Variants in GSDMC observed in about 807,000 individuals in gnomAD.
GSDMC encodes the protein gasdermin C.
GSDMC carries 59 observed loss-of-function variants against 58.0 expected under a neutral mutation model. The observed-to-expected ratio is 1.02, with a 90% CI of 0.82 to 1.26. The LOEUF is 1.26. Ranked by LOEUF, GSDMC falls within the 50% of genes most tolerant of loss-of-function variation. The pLI is 0.00. For synonymous variants in GSDMC, 241 were observed against 220.2 expected, an observed-to-expected ratio of 1.09 and a Z score of -0.83; for missense variants, 659 against 598.5, an observed-to-expected ratio of 1.10 and a Z score of -1.06.
At chr8:129,748,160 C>T (rs1586568828), downstream of GSDMC, 1 of 170,688 alleles carries the variant, frequency 5.9e-6, no homozygotes, top group East Asian at 1.6e-4. Context: ...TATCGGTACA[C>T]TTCACCCAAA....
intron 3 of GSDMC, among the ~76,000 whole-genome samples, chr8:129,768,157 A>T (rs1322776418): frequency 6.6e-6 from 1 of 152,168 alleles, no homozygotes. Context: ...TCAACTAGAG[A>T]GTGTGAGCAG....
the GSDMC span, among the ~76,000 whole-genome samples, chr8:129,708,750 TTAAC>T: frequency 2.0e-5 from 3 of 152,272 alleles, no homozygotes. Context: ...AATGCCGTCC[TTAAC>T]TAACAGCAAA....
chr8:129,751,664 C>T, intron 9 of GSDMC, 96 bp from the exon 10 acceptor site: 4 of 1,226,618 alleles, frequency 3.3e-6, no homozygotes, highest in Non-Finnish European at 2.4e-6. Context: ...CACCTCCTCC[C>T]TCTTACTCAA....
chr8:129,738,988 T>G, the GSDMC span, among the ~76,000 whole-genome samples: 1 of 152,192 alleles, frequency 6.6e-6, no homozygotes, highest in Non-Finnish European at 1.5e-5. Context: ...GAGCTAGAGC[T>G]TGAAGACCAG....
chr8:129,783,360 C>CA (rs1563819055), intron 1 of GSDMC, among the ~76,000 whole-genome samples: 1 of 151,436 alleles, frequency 6.6e-6, no homozygotes, highest in Non-Finnish European at 1.5e-5. Flanking sequence ...ATTCCAACAA[C>CA]AAAAAACTAT....
chr8:129,721,044 C>T, the GSDMC span, among the ~76,000 whole-genome samples: 1 of 152,160 alleles, frequency 6.6e-6, no homozygotes, highest in Non-Finnish European at 1.5e-5. Flanking sequence ...GATCAAGGCC[C>T]CACATGCAAA....
chr8:129,729,236 A>G, the GSDMC span: 1 of 640,114 alleles, frequency 1.6e-6, no homozygotes, highest in Non-Finnish European at 3.0e-6. Context: ...ATATTTTCCA[A>G]GTGAAATAGG....
intron 13 of GSDMC, 60 bp downstream of exon 13, chr8:129,749,391 CT>C: frequency 8.5e-7 from 1 of 1,182,158 alleles, no homozygotes. Context: ...CAGAATCATT[CT>C]TCTTACCTCT....
chr8:129,715,676 A>G, the GSDMC span, among the ~76,000 whole-genome samples: 1 of 152,220 alleles, frequency 6.6e-6, no homozygotes, highest in Admixed American at 6.5e-5. Flanking sequence ...TACAAGAAAT[A>G]CAAAAAGACA....
chr8:129,731,081 A>G, the GSDMC span, among the ~76,000 whole-genome samples: 4 of 152,256 alleles, frequency 2.6e-5, no homozygotes, highest in African/African-American at 4.8e-5. Flanking sequence ...ATACCCAGCC[A>G]GGAGACAGAA....
chr8:129,770,913 A>G (rs1416335450), intron 3 of GSDMC, among the ~76,000 whole-genome samples: 3 of 151,890 alleles, frequency 2.0e-5, no homozygotes, highest in Admixed American at 6.6e-5. Context: ...AAGGACACAC[A>G]GGCTGAAAGG....
chr8:129,785,042 G>C (rs202002683), intron 1 of GSDMC, among the ~76,000 whole-genome samples: 1 of 151,984 alleles, frequency 6.6e-6, no homozygotes, highest in Non-Finnish European at 1.5e-5. Flanking sequence ...GAGAAACCCC[G>C]CTCTACTAAA....
chr8:129,714,789 G>A, the GSDMC span, among the ~76,000 whole-genome samples: 1 of 150,998 alleles, frequency 6.6e-6, no homozygotes, highest in African/African-American at 2.4e-5. Flanking sequence ...TCAGGCTGAA[G>A]AGGAATTATA....
intron 9 of GSDMC, 146 bp downstream of exon 9, chr8:129,751,716 G>C: frequency 8.9e-7 from 1 of 1,129,510 alleles, no homozygotes; most frequent in East Asian, 2.3e-5. Context: ...CATGTTCTCA[G>C]CTTTCTGGAC....
the GSDMC span, among the ~76,000 whole-genome samples, chr8:129,711,212 C>G: frequency 6.6e-6 from 1 of 152,132 alleles, no homozygotes; most frequent in Non-Finnish European, 1.5e-5. Flanking sequence ...TCTTTACATG[C>G]GTGTACAATC....
chr8:129,713,380 C>T, the GSDMC span, among the ~76,000 whole-genome samples: 1 of 143,722 alleles, frequency 7.0e-6, no homozygotes, highest in Non-Finnish European at 1.5e-5. Context: ...ACAGTCCCAG[C>T]CATCAATGGA....
chr8:129,752,561 C>T (rs2033252789), intron 7 of GSDMC, 137 bp downstream of exon 7: 1 of 1,327,104 alleles, frequency 7.5e-7, no homozygotes, highest in Non-Finnish European at 1.0e-6. Flanking sequence ...AAAACACTGC[C>T]AGAGGAGGAT....
the GSDMC span, among the ~76,000 whole-genome samples, chr8:129,721,155 T>C: frequency 3.3e-5 from 5 of 152,200 alleles, no homozygotes; most frequent in African/African-American, 1.2e-4. Flanking sequence ...ATTCACCATG[T>C]TCTCCCTTCA....
chr8:129,764,984 G>C (rs752579561), intron 4 of GSDMC, among the ~76,000 whole-genome samples: 1 of 152,004 alleles, frequency 6.6e-6, no homozygotes, highest in East Asian at 1.9e-4. Context: ...TACACATATC[G>C]GGTTTCTTCT....
Sources: allele counts gnomAD v4.1 joint callset (sites outside exome capture counted in the v4.1 genomes callset), GRCh38; gene constraint gnomAD v4.1.1; transcripts MANE v1.5; gene names NCBI Gene and HGNC (gene_info 2026-07-23, HGNC 2026-07-21).